TIAM1: variants seen among roughly 807,000 people sequenced by gnomAD.
TIAM1 encodes the protein rho guanine nucleotide exchange factor TIAM1.
In TIAM1, 65 loss-of-function variants were observed where a neutral mutation model predicts 163.5. The observed-to-expected ratio is 0.40, with a 90% CI of 0.33 to 0.49. The LOEUF (loss-of-function observed/expected upper bound fraction) is 0.49. Ranked by LOEUF, TIAM1 falls within the 20% of genes least tolerant of loss-of-function variation. TIAM1 has a pLI of 0.77. For synonymous variants in TIAM1, 833 were observed against 810.1 expected (o/e 1.03, Z -0.48); for missense variants, 1,789 against 2,044.7 (o/e 0.87, Z 2.41).
intron 1 of TIAM1, among the ~76,000 whole-genome samples, chr21:31,470,355 C>CA (rs1348104995): frequency 6.7e-6 from 1 of 149,288 alleles, no homozygotes; most frequent in African/African-American, 2.5e-5. Context: ...TTCCTTGAGA[C>CA]AGAGTTTCAC....
At chr21:31,309,930 T>A (rs2074860640) in intron 2 of TIAM1, among the ~76,000 whole-genome samples, 1 of 152,212 alleles carries the variant, frequency 6.6e-6, no homozygotes, top group South Asian at 2.1e-4. Flanking sequence ...GAGAAGCTCA[T>A]AACCACCTAA....
At position 31,333,224 on chromosome 21, in the gene TIAM1, G is replaced by A. The variant is rs534994085; in HGVS notation, c.-189+6019C>T. ...GGATCTGGGTAGGTGTGGTTTGTCC[G>A]CCTGGGGGCTGCTGAGCCTAGTCCA... On this transcript the variant is annotated intron_variant, in intron 2 of 27. Transcript: ENST00000541036. 1.3e-4 allele frequency among the ~76,000 whole-genome samples: 20 copies of A among 152,306 alleles called. No individual in the cohort carries two copies. In the South Asian group the frequency reaches 1.5e-3, roughly 11 times the overall value.
intron 6 of TIAM1, among the ~76,000 whole-genome samples, chr21:31,237,911 T>C (rs2070977647): frequency 6.6e-6 from 1 of 152,344 alleles, no homozygotes; most frequent in African/African-American, 2.4e-5. Flanking sequence ...AGGTGGTAGG[T>C]ACTGTCTCTG....
rs564800527 is a variant in TIAM1, at chr21:31,145,463, A to C, written c.3475+1432T>G. 5.9e-5 allele frequency among the ~76,000 whole-genome samples: 9 copies of C among 152,352 alleles called. No individual in the cohort carries two copies. The East Asian group carries it at 1.7e-3, about 29-fold the overall frequency. On this transcript the variant is annotated intron_variant, in intron 20 of 27. Transcript: ENST00000541036. ...AGCTGATTTCCAGAGATTCTTTAAA[A>C]TCAAACTTTCTGTTGGTGCAACTGT... is the stretch of plus-strand genomic sequence containing the variant.
chr21:31,538,861 T>G (rs1003579147), intron 1 of TIAM1, among the ~76,000 whole-genome samples: 17 of 152,000 alleles, frequency 1.1e-4, no homozygotes, highest in African/African-American at 3.1e-4. Flanking sequence ...CCCCAAGAAG[T>G]GGTGGGAGGA....
chr21:31,438,248 G>A (rs1197351072), intron 2 of TIAM1, among the ~76,000 whole-genome samples: 2 of 132,988 alleles, frequency 1.5e-5, no homozygotes, highest in South Asian at 2.4e-4. Flanking sequence ...CTGGAGTGCA[G>A]TGGCATGATC....
intron 20 of TIAM1, among the ~76,000 whole-genome samples, chr21:31,143,550 C>T (rs190961998): frequency 6.6e-6 from 1 of 151,086 alleles, no homozygotes; most frequent in Admixed American, 6.6e-5. Flanking sequence ...TATTAGAAAG[C>T]TTAAAATACA....
At chr21:31,216,354 T>C (rs2087211150) in intron 9 of TIAM1, among the ~76,000 whole-genome samples, 2 of 152,100 alleles carry the variant, frequency 1.3e-5, no homozygotes, top group African/African-American at 4.8e-5. Flanking sequence ...CCTCTCACTT[T>C]TCACAAGGGC....
chr21:31,228,220 TAAAAA>T (rs71191197), intron 6 of TIAM1, among the ~76,000 whole-genome samples: 255 of 16,242 alleles, frequency 0.016, 10 homozygotes, highest in Middle Eastern at 0.045. Flanking sequence ...CTCCTTTTTT[TAAAAA>T]AAAAAAAAAA....
chr21:31,529,891 G>A (rs1172248276), intron 1 of TIAM1, among the ~76,000 whole-genome samples: 1 of 152,146 alleles, frequency 6.6e-6, no homozygotes, highest in Non-Finnish European at 1.5e-5. Flanking sequence ...CCTCCTGTCA[G>A]TTTCTGTCAT....
chr21:31,187,736 G>C (rs916732053), intron 13 of TIAM1, among the ~76,000 whole-genome samples: 3 of 152,124 alleles, frequency 2.0e-5, no homozygotes, highest in African/African-American at 7.2e-5. Flanking sequence ...ACTTCAGAGA[G>C]GAAAGCAGAG....
intron 2 of TIAM1, among the ~76,000 whole-genome samples, chr21:31,380,108 C>A (rs2076752809): frequency 6.6e-6 from 1 of 151,894 alleles, no homozygotes; most frequent in African/African-American, 2.4e-5. Flanking sequence ...ACTAAAAATA[C>A]AAAAAATTGG....
intron 2 of TIAM1, among the ~76,000 whole-genome samples, chr21:31,335,057 A>G (rs2075795436): frequency 6.6e-6 from 1 of 152,158 alleles, no homozygotes; most frequent in African/African-American, 2.4e-5. Flanking sequence ...GGAAGCCTCC[A>G]GGGTATCTTG....
At chr21:31,220,132 C>T (rs1434089990) in intron 8 of TIAM1, among the ~76,000 whole-genome samples, 2 of 152,176 alleles carry the variant, frequency 1.3e-5, no homozygotes, top group East Asian at 1.9e-4. Flanking sequence ...TAGAGGCAAC[C>T]GTATAAAATA....
At chr21:31,357,489 C>T (rs2076335291) in intron 2 of TIAM1, among the ~76,000 whole-genome samples, 1 of 152,158 alleles carries the variant, frequency 6.6e-6, no homozygotes, top group South Asian at 2.1e-4. Flanking sequence ...TATCCATACT[C>T]CTCTCTAAAG....
intron 2 of TIAM1, among the ~76,000 whole-genome samples, chr21:31,426,586 A>G (rs2043803392): frequency 6.6e-6 from 1 of 152,222 alleles, no homozygotes; most frequent in South Asian, 2.1e-4. Flanking sequence ...ATGTGGTCTA[A>G]TAACTGATTC....
At chr21:31,542,640 G>T (rs1206969297) in intron 1 of TIAM1, among the ~76,000 whole-genome samples, 1 of 152,026 alleles carries the variant, frequency 6.6e-6, no homozygotes, top group South Asian at 2.1e-4. Flanking sequence ...TGCAGGTTAG[G>T]TCCTGGGCTG....
chr21:31,146,772 C>A, intron 20 of TIAM1, 123 bp downstream of exon 20: 1 of 708,836 alleles, frequency 1.4e-6, no homozygotes, highest in Non-Finnish European at 2.5e-6. Context: ...ATATCAGTGG[C>A]TTGCTGGAAC....
At chr21:31,275,070 C>T (rs1224704532) in intron 3 of TIAM1, among the ~76,000 whole-genome samples, 1 of 150,560 alleles carries the variant, frequency 6.6e-6, no homozygotes. Context: ...TGCAGTGAGC[C>T]GAGATTGCAC....
Sources: allele counts gnomAD v4.1 joint callset (sites outside exome capture counted in the v4.1 genomes callset), GRCh38; gene constraint gnomAD v4.1.1; transcripts MANE v1.5; gene names NCBI Gene and HGNC (gene_info 2026-07-23, HGNC 2026-07-21).